ADCY8: variants seen among roughly 807,000 people sequenced by gnomAD.
The protein encoded by ADCY8 is adenylate cyclase 8, also known as adenylate cyclase type 8.
ADCY8 carries 51 observed loss-of-function variants against 119.7 expected under a neutral mutation model. The observed-to-expected ratio is 0.43, with a 90% CI of 0.34 to 0.54. ADCY8 has a LOEUF of 0.54. Among genes scored for constraint, ADCY8 ranks in the 20% least tolerant of loss-of-function variants. The pLI, the probability that ADCY8 is intolerant of heterozygous loss-of-function variation, is 0.03. For synonymous variants in ADCY8, 665 were observed against 651.0 expected, an observed-to-expected ratio of 1.02 and a Z score of -0.33; for missense variants, 1,383 against 1,598.8, an observed-to-expected ratio of 0.87 and a Z score of 2.30.
chr8:130,947,245 T>C (rs1554619008), intron 3 of ADCY8, among the ~76,000 whole-genome samples: 1 of 152,232 alleles, frequency 6.6e-6, no homozygotes, highest in Non-Finnish European at 1.5e-5. Flanking sequence ...GGTCCCTGTG[T>C]AGACTCCTCT....
chr8:130,811,753 TCTAA>T (rs1018577282), intron 14 of ADCY8, among the ~76,000 whole-genome samples: 1 of 152,250 alleles, frequency 6.6e-6, no homozygotes, highest in African/African-American at 2.4e-5. Flanking sequence ...GCTTTGTGGA[TCTAA>T]CTGTGTTAGG....
At chr8:131,006,362 G>A (rs115157528) in intron 1 of ADCY8, among the ~76,000 whole-genome samples, 2,035 of 152,282 alleles carry the variant, frequency 0.013, 45 homozygotes, top group East Asian at 0.089. Flanking sequence ...GATTCAGCAG[G>A]AGAGGCACTG....
chr8:130,997,912 T>G (rs1201650509), intron 1 of ADCY8, among the ~76,000 whole-genome samples: 1 of 152,160 alleles, frequency 6.6e-6, no homozygotes, highest in East Asian at 1.9e-4. Context: ...AGAGTTGATG[T>G]GCTAGGTGTG....
intron 12 of ADCY8, among the ~76,000 whole-genome samples, chr8:130,833,995 G>A (rs1312728220): frequency 6.6e-6 from 1 of 152,072 alleles, no homozygotes; most frequent in Non-Finnish European, 1.5e-5. Context: ...GGCAACTATA[G>A]CTAATAGCAA....
rs546408182 is a variant in ADCY8 at position 130,985,997 on chromosome 8, C to A, written c.1110+4396G>T. Among the ~76,000 whole-genome samples the A allele has an allele frequency of 6.8e-4, 104 of 152,234 alleles. 1 individual carries two copies. In the South Asian group the frequency reaches 0.021, roughly 31 times the overall value. On this transcript the variant is annotated intron_variant, in intron 2 of 17. Coordinates refer to ENST00000286355, the MANE Select transcript of ADCY8 (RefSeq NM_001115.3). ...CCATAAGGAGGTTTATACAATTCTC[C>A]AAGCTGCAAGAAAAACAATTAATTC...
At chr8:131,024,844 C>T (rs1259139152) in intron 1 of ADCY8, among the ~76,000 whole-genome samples, 1 of 152,140 alleles carries the variant, frequency 6.6e-6, no homozygotes, top group Admixed American at 6.6e-5. Flanking sequence ...TCATAATTCT[C>T]TTCTTAAGAA....
At chr8:131,021,638 T>A (rs1020780652) in intron 1 of ADCY8, among the ~76,000 whole-genome samples, 2 of 152,220 alleles carry the variant, frequency 1.3e-5, no homozygotes, top group East Asian at 1.9e-4. Flanking sequence ...ACCTTCATGA[T>A]GTTCTCGTGA....
chr8:130,854,632 T>A (rs1817648140), intron 9 of ADCY8, among the ~76,000 whole-genome samples: 1 of 152,242 alleles, frequency 6.6e-6, no homozygotes, highest in Non-Finnish European at 1.5e-5. Flanking sequence ...AAAGGGAATT[T>A]GCCAGAAATA....
At chr8:130,901,079 A>T (rs1819583406) in intron 7 of ADCY8, among the ~76,000 whole-genome samples, 1 of 152,150 alleles carries the variant, frequency 6.6e-6, no homozygotes, top group African/African-American at 2.4e-5. Flanking sequence ...CATTTAATTC[A>T]CTTATTCAAC....
At chr8:130,844,807 C>T (rs539238624) in intron 11 of ADCY8, among the ~76,000 whole-genome samples, 27 of 152,072 alleles carry the variant, frequency 1.8e-4, no homozygotes, top group African/African-American at 5.6e-4. Context: ...ACAAGATGAC[C>T]GTTTCATTGT....
In ADCY8 at chr8:130,892,461, T is replaced by C. The variant is rs536928221; in HGVS notation, c.1912-7700A>G. On this transcript the variant is annotated intron_variant, in intron 7 of 17. Transcript: ENST00000286355. ...AATGACAAGGCAGGTGCCCCGACTC[T>C]GGCTGATACCACACTAGGCACTTAC... is the stretch of plus-strand genomic sequence containing the variant. The C allele has an allele frequency of 3.9e-5, 6 of 152,320 alleles. No homozygotes were observed. In the East Asian group the frequency reaches 9.7e-4, roughly 25 times the overall value. The allele number at this position is 152,320 out of a possible 1,614,324, so 9.4% of individuals were successfully genotyped here.
chr8:130,942,323 C>G (rs922349964), intron 4 of ADCY8, among the ~76,000 whole-genome samples: 4 of 152,184 alleles, frequency 2.6e-5, no homozygotes. Context: ...GAGTCACTTT[C>G]TTCAAGAAGT....
At chr8:130,856,702 C>T (rs116601614) in intron 9 of ADCY8, among the ~76,000 whole-genome samples, 20 of 152,260 alleles carry the variant, frequency 1.3e-4, no homozygotes, top group African/African-American at 3.8e-4. Flanking sequence ...TGTCTACCTT[C>T]GTAGGATATA....
chr8:130,846,778 C>CTCCTTCCTTCCTTCCTTCTCCT (rs147961219), intron 11 of ADCY8, among the ~76,000 whole-genome samples: 1 of 80,426 alleles, frequency 1.2e-5, no homozygotes, highest in African/African-American at 5.8e-5. Context: ...TTCCTTCCTT[C>CTCCTTCCTTCCTTCCTTCTCCT]TCCTTCCTTC....
chr8:130,944,760 T>G (rs1821059052), intron 3 of ADCY8, among the ~76,000 whole-genome samples: 3 of 152,358 alleles, frequency 2.0e-5, no homozygotes, highest in Admixed American at 6.5e-5. Flanking sequence ...CTTTAGTTAA[T>G]TATTGAATGG....
chr8:130,926,760 C>T (rs1459812566), intron 5 of ADCY8, among the ~76,000 whole-genome samples: 5 of 152,100 alleles, frequency 3.3e-5, no homozygotes, highest in Non-Finnish European at 5.9e-5. Context: ...CACCCCTAGA[C>T]CCTGATAATC....
intron 7 of ADCY8, among the ~76,000 whole-genome samples, chr8:130,893,659 T>G (rs1819271331): frequency 7.2e-5 from 1 of 13,818 alleles, no homozygotes; most frequent in Admixed American, 8.3e-4. Context: ...GAGAAGAAGG[T>G]GTGTGTGTGT....
At chr8:131,037,435 C>T (rs1053373140) in intron 1 of ADCY8, among the ~76,000 whole-genome samples, 4 of 152,148 alleles carry the variant, frequency 2.6e-5, no homozygotes, top group African/African-American at 9.7e-5. Context: ...ATACTTAGAA[C>T]TTTGAAAACA....
At chr8:130,987,450 T>C (rs1822435230) in intron 2 of ADCY8, among the ~76,000 whole-genome samples, 1 of 152,044 alleles carries the variant, frequency 6.6e-6, no homozygotes, top group Non-Finnish European at 1.5e-5. Context: ...CATAAAGAAA[T>C]TAATTCACGG....
Sources: gnomAD v4.1 joint callset for allele counts (sites outside exome capture counted in the v4.1 genomes callset) on GRCh38, gnomAD v4.1.1 for gene constraint, MANE v1.5 for transcripts, NCBI Gene and HGNC (gene_info 2026-07-23, HGNC 2026-07-21) for gene names.